Variants in RYR3 observed in about 807,000 individuals in gnomAD.
The protein encoded by RYR3 is ryanodine receptor 3.
In RYR3, 207 loss-of-function variants were observed where a neutral mutation model predicts 584.3. The observed-to-expected ratio is 0.35, with a 90% confidence interval of 0.32 to 0.40. RYR3 has a LOEUF of 0.40. Ranked by LOEUF, RYR3 falls within the 10% of genes least tolerant of loss-of-function variation. The pLI is 1.00. For synonymous variants in RYR3, 2,416 were observed against 2,248.5 expected (o/e 1.07, Z -2.11); for missense variants, 5,616 against 6,089.2 (o/e 0.92, Z 2.59).
chr15:33,317,584 A>C (rs1006754664), intron 1 of RYR3, among the ~76,000 whole-genome samples: 3 of 152,180 alleles, frequency 2.0e-5, no homozygotes, highest in African/African-American at 7.2e-5. Context: ...GAGGGAAGAA[A>C]AAGTGCTGGC....
intron 65 of RYR3, among the ~76,000 whole-genome samples, chr15:33,785,371 G>C (rs898038342): frequency 2.0e-5 from 3 of 152,268 alleles, no homozygotes; most frequent in African/African-American, 2.4e-5. Flanking sequence ...TTCATCGCAG[G>C]ATAGTCTTAG....
chr15:33,464,478 A>ATC (rs1567295406), intron 1 of RYR3, among the ~76,000 whole-genome samples: 16 of 88,442 alleles, frequency 1.8e-4, no homozygotes, highest in Non-Finnish European at 2.9e-4. Context: ...ATATATATAT[A>ATC]TATATATATA....
intron 1 of RYR3, among the ~76,000 whole-genome samples, chr15:33,369,596 G>C (rs989086734): frequency 6.6e-6 from 1 of 152,030 alleles, no homozygotes; most frequent in Admixed American, 6.5e-5. Context: ...CTGTCTGTCT[G>C]TCTGTCTGTC....
At chr15:33,665,989 GA>G (rs2063473349) in intron 36 of RYR3, among the ~76,000 whole-genome samples, 1 of 152,124 alleles carries the variant, frequency 6.6e-6, no homozygotes, top group African/African-American at 2.4e-5. Context: ...ATAAAACACA[GA>G]TTGCTTGGTT....
chr15:33,508,491 T>G (rs868777958), intron 3 of RYR3, among the ~76,000 whole-genome samples: 1 of 151,784 alleles, frequency 6.6e-6, no homozygotes, highest in African/African-American at 2.4e-5. Context: ...CTACTAAAAA[T>G]ACAAAAAAAT....
At chr15:33,410,840 C>G (rs1246838812) in intron 1 of RYR3, among the ~76,000 whole-genome samples, 7 of 152,278 alleles carry the variant, frequency 4.6e-5, no homozygotes, top group Non-Finnish European at 1.0e-4. Flanking sequence ...ACTCACAGTT[C>G]CACATGGCTG....
chr15:33,655,120 C>T (rs545420487), intron 32 of RYR3, among the ~76,000 whole-genome samples: 1 of 152,352 alleles, frequency 6.6e-6, no homozygotes, highest in South Asian at 2.1e-4. Context: ...ATCATCACCA[C>T]TTGGCACGCT....
chr15:33,715,502 G>T (rs2067428738), intron 43 of RYR3, among the ~76,000 whole-genome samples: 1 of 152,140 alleles, frequency 6.6e-6, no homozygotes, highest in Non-Finnish European at 1.5e-5. Context: ...TTGAGATATG[G>T]CTAGTTGCAG....
intron 3 of RYR3, among the ~76,000 whole-genome samples, chr15:33,528,231 C>T (rs570913816): frequency 1.3e-5 from 2 of 152,286 alleles, no homozygotes; most frequent in Admixed American, 6.5e-5. Context: ...TCCACTGAGC[C>T]AGTCAGTCTG....
chr15:33,688,447 C>T (rs2065171697), intron 38 of RYR3, among the ~76,000 whole-genome samples: 1 of 151,880 alleles, frequency 6.6e-6, no homozygotes, highest in Admixed American at 6.6e-5. Flanking sequence ...GTGGCGGGCA[C>T]CTGTAGTCCC....
At chr15:33,614,341 A>T (rs2060344252) in intron 19 of RYR3, among the ~76,000 whole-genome samples, 1 of 152,204 alleles carries the variant, frequency 6.6e-6, no homozygotes. Context: ...ATTCTAAAGA[A>T]TTCCAAAGTC....
intron 81 of RYR3, 98 bp from the exon 82 acceptor site, chr15:33,825,503 CAG>C (rs1035018536): frequency 1.4e-5 from 10 of 731,020 alleles, no homozygotes; most frequent in African/African-American, 1.2e-4. Flanking sequence ...TACGATAACA[CAG>C]GGGCAGGATA....
chr15:33,858,447 T>C (rs887510581), intron 99 of RYR3, among the ~76,000 whole-genome samples: 4 of 151,704 alleles, frequency 2.6e-5, no homozygotes, highest in African/African-American at 9.7e-5. Context: ...CCTCAGGTGA[T>C]CTGCCCACCT....
chr15:33,799,047 G>C (rs72715176), intron 67 of RYR3, among the ~76,000 whole-genome samples: 2,300 of 151,524 alleles, frequency 0.015, 31 homozygotes, highest in Non-Finnish European at 0.025. Context: ...ATTTTGAGAC[G>C]CATTTTTTTT....
chr15:33,431,835 GT>G (rs2045180755), intron 1 of RYR3, among the ~76,000 whole-genome samples: 1 of 152,164 alleles, frequency 6.6e-6, no homozygotes, highest in Non-Finnish European at 1.5e-5. Flanking sequence ...ATGTGTTGAT[GT>G]ATTACTGATC....
intron 51 of RYR3, among the ~76,000 whole-genome samples, chr15:33,741,629 T>G (rs2070126719): frequency 1.3e-5 from 2 of 151,270 alleles, no homozygotes; most frequent in South Asian, 4.2e-4. Flanking sequence ...GTTTTGTTTT[T>G]TTGAGATGGA....
At chr15:33,833,852 T>C (rs2077848880) in intron 86 of RYR3, among the ~76,000 whole-genome samples, 1 of 152,222 alleles carries the variant, frequency 6.6e-6, no homozygotes, top group Admixed American at 6.5e-5. Context: ...CCAAGACTTT[T>C]CTAGAAATTA....
At chr15:33,338,055 T>C (rs1032433327) in intron 1 of RYR3, among the ~76,000 whole-genome samples, 2 of 150,476 alleles carry the variant, frequency 1.3e-5, no homozygotes, top group Non-Finnish European at 3.0e-5. Flanking sequence ...CGCCATTCTC[T>C]TGCCTCAGCC....
At chr15:33,852,918 A>C (rs1249151064) in intron 94 of RYR3, 127 bp from the exon 95 acceptor site, 1 of 774,820 alleles carries the variant, frequency 1.3e-6, no homozygotes. Context: ...CAGATCTTAA[A>C]ATTCTTTGGT....
Sources: gnomAD v4.1 joint callset for allele counts (sites outside exome capture counted in the v4.1 genomes callset) on GRCh38, gnomAD v4.1.1 for gene constraint, MANE v1.5 for transcripts, NCBI Gene and HGNC (gene_info 2026-07-23, HGNC 2026-07-21) for gene names.